The following OSMR variants were observed in gnomAD, a reference collection of about 807,000 sequenced individuals.
OSMR encodes the protein oncostatin M receptor.
A neutral mutation model predicts 99.9 loss-of-function variants in OSMR; 81 were observed. The observed-to-expected ratio is 0.81, with a 90% CI of 0.68 to 0.97. OSMR has a LOEUF of 0.97. Ranked by LOEUF, OSMR falls within the 50% of genes least tolerant of loss-of-function variation. OSMR has a pLI of 0.00. For synonymous variants in OSMR, 406 were observed against 410.4 expected (o/e 0.99, Z 0.13); for missense variants, 1,099 against 1,153.4 (o/e 0.95, Z 0.68).
At chr5:38,876,822 G>A (rs1021683628) in intron 3 of OSMR, among the ~76,000 whole-genome samples, 3 of 152,238 alleles carry the variant, frequency 2.0e-5, no homozygotes, top group Admixed American at 6.5e-5. Context: ...GCAGGGAAGA[G>A]TAAGTGCTAG....
chr5:38,937,215 A>G (rs979306315), downstream of OSMR, among the ~76,000 whole-genome samples: 2 of 151,950 alleles, frequency 1.3e-5, no homozygotes, highest in African/African-American at 4.8e-5. The surrounding 1 kb of genome is among the most constrained non-coding windows in gnomAD (Gnocchi z 4.0). Flanking sequence ...TTGTATTTTT[A>G]GTAGAGACGG....
In OSMR at chr5:38,942,905, C is replaced by G. The variant is rs200552342; in HGVS notation, c.75-1296C>G. 5.6e-6 allele frequency: 9 copies of G among 1,608,490 alleles called. No individual in the cohort carries two copies. The East Asian group carries it at 2.0e-4, about 36-fold the overall frequency. ...ACGGAAGTCTGAATGTGCAGTGTGA[C>G]AGCAAATGGGAAACCTCAGAGTAAA... On this transcript the variant is annotated intron_variant and NMD_transcript_variant, in intron 1 of 2. Coordinates refer to the OSMR transcript ENST00000508882.
intron 9 of OSMR, among the ~76,000 whole-genome samples, chr5:38,910,455 T>C (rs1030156597): frequency 6.6e-6 from 1 of 152,130 alleles, no homozygotes; most frequent in Non-Finnish European, 1.5e-5. Flanking sequence ...GACTTCACAA[T>C]TAGACATAAA....
chr5:38,887,788 CTA>C (rs1182368663), intron 7 of OSMR, among the ~76,000 whole-genome samples: 1 of 152,116 alleles, frequency 6.6e-6, no homozygotes, highest in African/African-American at 2.4e-5. Flanking sequence ...ATCAAAATCT[CTA>C]TGTTACTAAA....
At chr5:38,888,567 T>G (rs1743950282) in intron 7 of OSMR, among the ~76,000 whole-genome samples, 1 of 152,236 alleles carries the variant, frequency 6.6e-6, no homozygotes, top group African/African-American at 2.4e-5. Flanking sequence ...AAAAATTTCC[T>G]GAAAACAGTT....
intron 5 of OSMR, 110 bp from the exon 6 acceptor site, chr5:38,885,239 C>A: frequency 6.4e-7 from 1 of 1,561,538 alleles, no homozygotes; most frequent in East Asian, 2.3e-5. Context: ...TCAGTGACCC[C>A]TTCCTTGTTC....
intron 7 of OSMR, among the ~76,000 whole-genome samples, chr5:38,901,139 A>G (rs1744865346): frequency 6.6e-6 from 1 of 152,194 alleles, no homozygotes; most frequent in Non-Finnish European, 1.5e-5. Flanking sequence ...AGCCTATTGG[A>G]TAGAATGTCC....
chr5:38,938,826 A>C (rs1240787723), downstream of OSMR: 1 of 232,972 alleles, frequency 4.3e-6, no homozygotes, highest in Non-Finnish European at 8.5e-6. Context: ...ATGCAGAGAC[A>C]ATGGAGACTT....
At chr5:38,918,207 C>T (rs532481890) in intron 10 of OSMR, among the ~76,000 whole-genome samples, 1 of 151,980 alleles carries the variant, frequency 6.6e-6, no homozygotes, top group African/African-American at 2.4e-5. Flanking sequence ...TGTGGGCATG[C>T]CAGTCTGCAT....
At chr5:38,860,344 A>AT (rs1293334070) in intron 1 of OSMR, among the ~76,000 whole-genome samples, 1 of 152,020 alleles carries the variant, frequency 6.6e-6, no homozygotes, top group Non-Finnish European at 1.5e-5. Flanking sequence ...TTTGTCTTTC[A>AT]TTTTTTTGAT....
chr5:38,883,907 T>C lies in OSMR; in HGVS notation c.499T>C (p.Cys167Arg), dbSNP rs148544095. 4 of 1,613,558 alleles carry C rather than the reference T, an allele frequency of 2.5e-6. No homozygotes were observed. In the African/African-American group the frequency reaches 5.3e-5, roughly 22 times the overall value. Reference sequence around the variant, plus strand: ...GGAAGAAGGCACCAATGTTACCATTTGTTACGTTTCTAGGAACATTCAAAA... The same window carrying C: ...GGAAGAAGGCACCAATGTTACCATTCGTTACGTTTCTAGGAACATTCAAAA... Reference protein sequence around the residue: ...LVEEGTNVTICYVSRNIQNNV... With the variant: ...LVEEGTNVTIRYVSRNIQNNV... The change falls in exon 5 of 18, where the codon TGT becomes CGT. Residue 167 changes from cysteine (C) to arginine (R), a missense_variant. Coordinates refer to ENST00000274276, the MANE Select transcript of OSMR (RefSeq NM_003999.3).
chr5:38,876,461 G>A (rs533181293), intron 3 of OSMR, 88 bp downstream of exon 3: 443 of 1,110,464 alleles, frequency 4.0e-4, no homozygotes, highest in African/African-American at 2.9e-3. Context: ...AAAAATTCTC[G>A]TTTTGGAAAT....
intron 9 of OSMR, among the ~76,000 whole-genome samples, chr5:38,913,967 C>G (rs1192125380): frequency 6.6e-6 from 1 of 152,194 alleles, no homozygotes; most frequent in African/African-American, 2.4e-5. Flanking sequence ...CTTCACATGT[C>G]TTCATAATAT....
chr5:38,928,080 G>A (rs979042935), intron 15 of OSMR, among the ~76,000 whole-genome samples: 2 of 152,156 alleles, frequency 1.3e-5, no homozygotes, highest in Non-Finnish European at 2.9e-5. Context: ...GGACTTCATT[G>A]TTCATATCAC....
intron 7 of OSMR, among the ~76,000 whole-genome samples, chr5:38,889,255 C>T (rs912738305): frequency 3.3e-5 from 5 of 151,422 alleles, no homozygotes; most frequent in African/African-American, 7.3e-5. Context: ...TTTGTTTGGC[C>T]GCCTTCCCTT....
chr5:38,919,834 T>C (rs1318359337), intron 11 of OSMR, among the ~76,000 whole-genome samples: 1 of 152,132 alleles, frequency 6.6e-6, no homozygotes. Flanking sequence ...TAAATTTGGG[T>C]TGAGTTGGAT....
chr5:38,877,773 C>T (rs552517636), intron 3 of OSMR, among the ~76,000 whole-genome samples: 1 of 152,184 alleles, frequency 6.6e-6, no homozygotes, highest in South Asian at 2.1e-4. Flanking sequence ...CTTTATTTTT[C>T]CAAAAGACAA....
Position 38,933,035 on chromosome 5 carries a change from A to G in OSMR, c.2531A>G (p.Glu844Gly). 1 of 1,614,180 alleles carries G rather than the reference A, an allele frequency of 6.2e-7. No homozygotes were observed. The highest frequency in any genetic ancestry group is 8.5e-7 in the Non-Finnish European group (1 of 1,180,016). The change falls in exon 18 of 18, where the codon GAA becomes GGA. Residue 844 changes from glutamate to glycine, a missense_variant. Transcript: ENST00000274276. ...AACTACCTTTATCTCCTTCCAACAGAAAAGAATCACTCTGGCCCTGGCCCC... is the reference window on the plus strand; with the variant it reads ...AACTACCTTTATCTCCTTCCAACAGGAAAGAATCACTCTGGCCCTGGCCCC... ...KPNYLYLLPT[E>G]KNHSGPGPCI...
At chr5:38,916,996 C>T (rs1247543637) in intron 9 of OSMR, among the ~76,000 whole-genome samples, 1 of 151,926 alleles carries the variant, frequency 6.6e-6, no homozygotes, top group Non-Finnish European at 1.5e-5. Flanking sequence ...CTTAAGTGTC[C>T]ACAGCAAGCA....
Sources: allele counts gnomAD v4.1 joint callset (sites outside exome capture counted in the v4.1 genomes callset), GRCh38; gene constraint gnomAD v4.1.1; non-coding constraint Gnocchi (gnomAD v3.1); transcripts MANE v1.5; gene names NCBI Gene and HGNC (gene_info 2026-07-23, HGNC 2026-07-21).